Variants in INKA2 observed in about 807,000 individuals in gnomAD.
INKA2 encodes the protein inka box actin regulator 2.
INKA2 carries 3 observed loss-of-function variants against 9.8 expected under a neutral mutation model. The observed-to-expected ratio is 0.31, with a 90% CI of 0.14 to 0.79. INKA2 has a LOEUF of 0.79. INKA2 is among the 30% of genes least tolerant of loss of function. The pLI, the probability that INKA2 is intolerant of heterozygous loss-of-function variation, is 0.62. For synonymous variants in INKA2, 147 were observed against 143.3 expected, an observed-to-expected ratio of 1.03 and a Z score of -0.18; for missense variants, 392 against 384.4, an observed-to-expected ratio of 1.02 and a Z score of -0.17.
chr1:111,755,632 C>T, intron 1 of INKA2: 1 of 1,603,854 alleles, frequency 6.2e-7, no homozygotes, highest in South Asian at 1.1e-5. Context: ...CAGAAGAGGG[C>T]CGAGAGGCGG....
intron 1 of INKA2, among the ~76,000 whole-genome samples, chr1:111,738,745 ACCCTCC>A (rs1663063190): frequency 6.6e-6 from 1 of 151,834 alleles, no homozygotes. Context: ...AGGACCCAGC[ACCCTCC>A]TCCTCCCCGC....
At chr1:111,742,089 A>G (rs114271578), upstream of INKA2, among the ~76,000 whole-genome samples, 8,223 of 152,206 alleles carry the variant, frequency 0.054, 703 homozygotes, top group African/African-American at 0.19. Flanking sequence ...ACTGGAATCC[A>G]CTTGGAAGTT....
chr1:111,727,198 G>A lies in INKA2; in HGVS notation c.664C>T (p.Arg222Cys). 8 of 1,614,218 alleles carry A rather than the reference G, an allele frequency of 5.0e-6. No individual in the cohort carries two copies. The highest frequency in any genetic ancestry group is 2.2e-5 in the East Asian group (1 of 44,888). Residue 222 changes from arginine (R) to cysteine (C), a missense_variant, in exon 2 of 2, where the codon CGT becomes TGT. Arg to Cys is a radical substitution (Grantham distance 180). Coordinates refer to ENST00000357260, the MANE Select transcript of INKA2 (RefSeq NM_019099.5). The part of the protein sequence containing the change: ...KKFLRSVRPD[R>C]DRLLKEKPGW... ...GGCTTCTCCTTCAGCAGCCGGTCAC[G>A]GTCAGGCCGCACACTACGCAAGAAC... is the stretch of plus-strand genomic sequence containing the variant.
upstream of INKA2, among the ~76,000 whole-genome samples, chr1:111,742,836 TCTAA>T (rs1663176405): frequency 6.6e-6 from 1 of 152,260 alleles, no homozygotes; most frequent in African/African-American, 2.4e-5. Flanking sequence ...ACAATTACTG[TCTAA>T]CTCTGAAGTC....
intron 1 of INKA2, 177 bp from the exon 2 acceptor site, chr1:111,727,981 A>G: frequency 1.6e-6 from 1 of 637,394 alleles, no homozygotes; most frequent in Non-Finnish European, 2.7e-6. Flanking sequence ...AAAGGAAATA[A>G]TAATGGTAGC....
intron 1 of INKA2, chr1:111,745,228 A>ATG (rs1491467381): frequency 1.6e-5 from 2 of 125,274 alleles, no homozygotes; most frequent in East Asian, 2.1e-4. Context: ...AGGCAAGCAA[A>ATG]TATACACACA....
At chr1:111,747,156 G>A (rs1017657491) in intron 1 of INKA2, 3 of 152,250 alleles carry the variant, frequency 2.0e-5, no homozygotes, top group Non-Finnish European at 4.4e-5. Context: ...ACTGCACTTT[G>A]GCAGGTGTTC....
rs1662782364 is a variant in INKA2 at position 111,726,866 on chromosome 1, GTTGGGCT to G, written c.*95_*101del. On this transcript the variant is annotated 3_prime_UTR_variant, in exon 2 of 2. Coordinates refer to ENST00000357260, the MANE Select transcript of INKA2 (RefSeq NM_019099.5). ...GCTTTCTGGGGGAAAGGAACTTGGA[GTTGGGCT>G]TTCGAGAGCCATACCGCCCACCCTC... The G allele has an allele frequency of 5.9e-6, 7 of 1,178,606 alleles. No individual in the cohort carries two copies. The highest frequency in any genetic ancestry group is 8.5e-6 in the Non-Finnish European group (7 of 825,996). 73.0% of individuals were successfully genotyped at this position (1,178,606 alleles called of 1,614,324 possible). A position where few individuals can be genotyped will look rare whatever the true frequency, so the allele number is the denominator to read the frequency against.
chr1:111,745,265 T>TTTTTTATATATATATA (rs1553232613), intron 1 of INKA2: 1 of 45,118 alleles, frequency 2.2e-5, no homozygotes, highest in African/African-American at 8.5e-5. Context: ...CACAGAGATA[T>TTTTTTATATATATATA]TATATATATA....
upstream of INKA2, among the ~76,000 whole-genome samples, chr1:111,740,423 T>C (rs1350342358): frequency 6.6e-6 from 1 of 151,986 alleles, no homozygotes; most frequent in Non-Finnish European, 1.5e-5. Flanking sequence ...GACGCCGGGC[T>C]CCGCGCCCGC....
upstream of INKA2, among the ~76,000 whole-genome samples, chr1:111,742,259 C>A (rs1663166312): frequency 6.6e-6 from 1 of 152,164 alleles, no homozygotes; most frequent in South Asian, 2.1e-4. Context: ...TGGGTTTAAA[C>A]CTTTGTGAGT....
At chr1:111,739,428 G>A, upstream of INKA2, 1 of 1,448,832 alleles carries the variant, frequency 6.9e-7, no homozygotes, top group Non-Finnish European at 9.1e-7. Flanking sequence ...CGCGGTCGGT[G>A]CTGGGGGTGG....
rs898172656 is a variant in INKA2, at chr1:111,736,648, C to T, written c.57+2538G>A. 3.9e-5 allele frequency among the ~76,000 whole-genome samples: 6 copies of T among 152,330 alleles called. No homozygotes were observed. The East Asian group carries it at 1.2e-3, about 29-fold the overall frequency. On this transcript the variant is annotated intron_variant, in intron 1 of 1. Transcript: ENST00000357260. ...CTGTGTAAACACAAACTAAGGGCAG[C>T]GCCAGGCAACACAATGTCTTCCTGG...
In INKA2 at chr1:111,749,421, GGTGTGT is replaced by G. The variant is rs58362318; in HGVS notation, n.124+6274_124+6279del. On this transcript the variant is annotated intron_variant and non_coding_transcript_variant, in intron 1 of 1. Transcript: ENST00000444059. Reference sequence around the variant, plus strand: ...GAGGTAACTATGCTGTGTGTGTTGGGGTGTGTGTGTGTGTGTGTGTGTGTGCGCGCG... The same window carrying G: ...GAGGTAACTATGCTGTGTGTGTTGGGGTGTGTGTGTGTGTGTGTGCGCGCG... Among the ~76,000 whole-genome samples the G allele has an allele frequency of 6.9e-4, 103 of 150,096 alleles. No homozygotes were observed. In the East Asian group the frequency reaches 0.01, roughly 15 times the overall value.
At chr1:111,751,597 G>A (rs1200092372) in intron 1 of INKA2, among the ~76,000 whole-genome samples, 1 of 152,142 alleles carries the variant, frequency 6.6e-6, no homozygotes, top group East Asian at 1.9e-4. Context: ...ATCTCCTTCG[G>A]CATCTGACAT....
In INKA2 at chr1:111,727,131, C is replaced by T. The variant is rs769005492; in HGVS notation, c.731G>A (p.Arg244His). The change falls in exon 2 of 2, where the codon CGC (arginine) becomes CAC (histidine). Residue 244 changes from arginine (R) to histidine (H), a missense_variant. Transcript: ENST00000357260. ...TPMVPESRTG[R>H]SQKVKKRSLS... Reference sequence around the variant, plus strand: ...GCTCCGCTTCTTGACCTTCTGTGAGCGGCCGGTTCGGGACTCAGGGACCAT... The same window carrying T: ...GCTCCGCTTCTTGACCTTCTGTGAGTGGCCGGTTCGGGACTCAGGGACCAT... 6.2e-6 allele frequency: 10 copies of T among 1,614,230 alleles called. No homozygotes were observed. Among genetic ancestry groups the T allele is most frequent in the South Asian group, 3.3e-5 (3 of 91,090 alleles).
chr1:111,755,608 T>G (rs1038569540), intron 1 of INKA2: 3 of 1,493,352 alleles, frequency 2.0e-6, no homozygotes, highest in African/African-American at 2.9e-5. Context: ...GGGGCACGGC[T>G]GGGCGGCTCC....
Position 111,724,565 on chromosome 1 carries a change from G to GCGCA in INKA2, c.*2402_*2403insTGCG, listed in dbSNP as rs372173464. ...ACATGCAGTTTCTTAGCACGCGCAG[G>GCGCA]CACACACACACACACACACACACAC... On this transcript the variant is annotated 3_prime_UTR_variant, in exon 2 of 2. Transcript: ENST00000357260. The GCGCA allele has an allele frequency of 6.9e-6, 1 of 144,426 alleles. No homozygotes were observed. The highest frequency in any genetic ancestry group is 2.5e-5 in the African/African-American group (1 of 39,238). 8.9% of individuals were successfully genotyped at this position (144,426 alleles called of 1,614,324 possible).
intron 1 of INKA2, chr1:111,745,282 TATATATATA>T (rs1439212454): frequency 4.2e-5 from 2 of 47,516 alleles, no homozygotes; most frequent in African/African-American, 2.0e-4. Flanking sequence ...TATATATATA[TATATATATA>T]TATTTTTTTT....
Sources: allele counts gnomAD v4.1 joint callset (sites outside exome capture counted in the v4.1 genomes callset), GRCh38; gene constraint gnomAD v4.1.1; transcripts MANE v1.5; gene names NCBI Gene and HGNC (gene_info 2026-07-23, HGNC 2026-07-21).